Variants in PLCZ1 observed in about 807,000 individuals in gnomAD.
PLCZ1 encodes the protein phospholipase C zeta 1.
Under a neutral mutation model 76.8 loss-of-function variants are expected in PLCZ1, and 64 were observed. The observed-to-expected ratio is 0.83, with a 90% CI of 0.68 to 1.03. The LOEUF is 1.03. Ranked by LOEUF, PLCZ1 falls within the 50% of genes least tolerant of loss-of-function variation. The probability of loss-of-function intolerance (pLI) is 0.00; values close to 1 mark genes in which losing one functional copy is unlikely to be tolerated. For synonymous variants in PLCZ1, 248 were observed against 230.8 expected (o/e 1.07, Z -0.68); for missense variants, 751 against 713.7 (o/e 1.05, Z -0.60).
In PLCZ1 at chr12:18,705,073, T is replaced by C. The variant is rs1057325869; in HGVS notation, c.864+93A>G. On this transcript the variant is annotated intron_variant, in intron 7 of 14. Transcript: ENST00000266505. Reference sequence around the variant, plus strand: ...ACGTGATCAAAACTAAGCATTTTCATTGGTCTCTAGCCCAGTTTCACAGGC... The same window carrying C: ...ACGTGATCAAAACTAAGCATTTTCACTGGTCTCTAGCCCAGTTTCACAGGC... 60 of 1,476,406 alleles carry C rather than the reference T, an allele frequency of 4.1e-5. No individual in the cohort carries two copies. The African/African-American group carries it at 5.8e-4, about 14-fold the overall frequency. The allele number at this position is 1,476,406 out of a possible 1,614,324, so 91.5% of individuals were successfully genotyped here.
intron 12 of PLCZ1, 145 bp from the exon 13 acceptor site, chr12:18,688,363 T>C (rs1953503614): frequency 3.9e-6 from 3 of 775,210 alleles, no homozygotes; most frequent in Admixed American, 6.0e-5. Context: ...CAATACAAAT[T>C]TTAAAATTTA....
chr12:18,695,034 T>G lies in PLCZ1; in HGVS notation c.1337A>C (p.Asn446Thr), dbSNP rs1954759405. 6.2e-7 allele frequency: 1 copy of G among 1,613,182 alleles called. No individual in the cohort carries two copies. The highest frequency in any genetic ancestry group is 8.5e-7 in the Non-Finnish European group (1 of 1,179,388). Reference protein sequence around the residue: ...QTPGLPMDLQNGKFLDNGGSG... With the variant: ...QTPGLPMDLQTGKFLDNGGSG... ...ACCACCATTATCCAAAAATTTCCCA[T>G]TTTGCAGATCCATGGGCAGACCAGG... The change falls in exon 12 of 15, where the codon AAT becomes ACT. Residue 446 changes from asparagine to threonine, a missense_variant. Asn to Thr is a moderately conservative substitution (Grantham distance 65, BLOSUM62 0). Coordinates refer to ENST00000266505, the MANE Select transcript of PLCZ1 (RefSeq NM_033123.4).
intron 12 of PLCZ1, 51 bp downstream of exon 12, chr12:18,694,855 ACTAT>A (rs1402149267): frequency 8.3e-6 from 11 of 1,319,982 alleles, no homozygotes; most frequent in Non-Finnish European, 1.2e-5. Context: ...ACTAATGTAC[ACTAT>A]CTAGTTTATA....
chr12:18,655,886 T>G, the PLCZ1 span, among the ~76,000 whole-genome samples: 1 of 152,126 alleles, frequency 6.6e-6, no homozygotes. Context: ...AAGAGGAGCT[T>G]CAGGAGACAT....
chr12:18,685,901 GCCC>G (rs1358347154), intron 13 of PLCZ1, among the ~76,000 whole-genome samples: 1 of 150,100 alleles, frequency 6.7e-6, no homozygotes, highest in African/African-American at 2.5e-5. Context: ...ATAAGAGAAA[GCCC>G]TCACTTTCAG....
chr12:18,686,686 C>T (rs540351832), intron 13 of PLCZ1, among the ~76,000 whole-genome samples: 23 of 152,144 alleles, frequency 1.5e-4, no homozygotes, highest in Admixed American at 9.2e-4. Flanking sequence ...TCTTGAAGCA[C>T]GAATTACTCT....
chr12:18,649,875 C>A, the PLCZ1 span, among the ~76,000 whole-genome samples: 3 of 152,030 alleles, frequency 2.0e-5, no homozygotes, highest in South Asian at 2.1e-4. Flanking sequence ...GCTTCGTTGC[C>A]TTTTTGTTTC....
intron 7 of PLCZ1, among the ~76,000 whole-genome samples, chr12:18,703,378 T>A (rs1956189251): frequency 2.0e-5 from 3 of 152,180 alleles, no homozygotes; most frequent in Admixed American, 2.0e-4. Context: ...TTAAAAGAAG[T>A]AAAATTTGAA....
chr12:18,654,697 T>C, the PLCZ1 span, among the ~76,000 whole-genome samples: 1 of 152,164 alleles, frequency 6.6e-6, no homozygotes, highest in African/African-American at 2.4e-5. Flanking sequence ...GTTGAGTACT[T>C]GGTCTGGATC....
the PLCZ1 span, among the ~76,000 whole-genome samples, chr12:18,674,324 C>T: frequency 1.4e-4 from 21 of 152,282 alleles, 1 homozygote; most frequent in African/African-American, 4.8e-4. Flanking sequence ...AACACCTTCA[C>T]ACTATCCTCT....
chr12:18,661,356 T>C, the PLCZ1 span, among the ~76,000 whole-genome samples: 1 of 131,774 alleles, frequency 7.6e-6, no homozygotes, highest in African/African-American at 2.6e-5. Context: ...ATTATAATCC[T>C]ACTGCCAAAA....
the PLCZ1 span, among the ~76,000 whole-genome samples, chr12:18,650,184 T>C: frequency 2.6e-5 from 4 of 151,844 alleles, no homozygotes; most frequent in African/African-American, 9.7e-5. Context: ...GGGAAAATAT[T>C]AGGGTTCTTT....
the PLCZ1 span, among the ~76,000 whole-genome samples, chr12:18,664,796 G>A: frequency 6.6e-6 from 1 of 151,372 alleles, no homozygotes; most frequent in African/African-American, 2.4e-5. Flanking sequence ...AGAAAATGTG[G>A]CACATATACA....
intron 7 of PLCZ1, among the ~76,000 whole-genome samples, chr12:18,702,248 G>A (rs948982749): frequency 1.3e-5 from 2 of 151,640 alleles, no homozygotes; most frequent in African/African-American, 2.4e-5. Flanking sequence ...TTAAAGATTC[G>A]TAATAAAGGC....
chr12:18,696,076 G>C, intron 11 of PLCZ1, 74 bp downstream of exon 11: 2 of 852,478 alleles, frequency 2.3e-6, no homozygotes, highest in Non-Finnish European at 3.7e-6. Flanking sequence ...CTTTTCACGA[G>C]TTTTTCATAC....
chr12:18,726,819 A>G (rs1021537802), intron 3 of PLCZ1, among the ~76,000 whole-genome samples: 2 of 152,166 alleles, frequency 1.3e-5, no homozygotes, highest in African/African-American at 4.8e-5. Flanking sequence ...TTCAAATTAC[A>G]TTACAGGAAA....
At chr12:18,719,718 C>T in intron 4 of PLCZ1, 86 bp from the exon 5 acceptor site, 1 of 882,700 alleles carries the variant, frequency 1.1e-6, no homozygotes. Context: ...TAAACTTACT[C>T]AGTAGTAGAG....
chr12:18,654,067 A>G, the PLCZ1 span, among the ~76,000 whole-genome samples: 107,403 of 151,802 alleles, frequency 0.71, 38,206 homozygotes, highest in Admixed American at 0.77. Context: ...ATAAAATAGA[A>G]TGTGTCAAAC....
At chr12:18,669,442 G>C in the PLCZ1 span, among the ~76,000 whole-genome samples, 1 of 152,148 alleles carries the variant, frequency 6.6e-6, no homozygotes, top group Non-Finnish European at 1.5e-5. Context: ...TTATCAGTGA[G>C]AGTCTAAAAG....
Sources: gnomAD v4.1 joint callset for allele counts (sites outside exome capture counted in the v4.1 genomes callset) on GRCh38, gnomAD v4.1.1 for gene constraint, MANE v1.5 for transcripts, NCBI Gene and HGNC (gene_info 2026-07-23, HGNC 2026-07-21) for gene names.